Variants in SERGEF observed in about 807,000 individuals in gnomAD.
SERGEF encodes secretion-regulating guanine nucleotide exchange factor.
A neutral mutation model predicts 50.0 loss-of-function variants in SERGEF; 51 were observed. That is an observed-to-expected ratio of 1.02 (90% CI 0.81 to 1.29). The LOEUF is 1.29. SERGEF is among the 50% of genes most tolerant of loss of function. The pLI is 0.00. For missense variants in SERGEF, 521 were observed against 557.0 expected, an observed-to-expected ratio of 0.94 and a Z score of 0.65; for synonymous variants, 205 against 212.4, an observed-to-expected ratio of 0.97 and a Z score of 0.30.
At chr11:17,999,079 A>T (rs1853905488) in intron 5 of SERGEF, among the ~76,000 whole-genome samples, 1 of 152,208 alleles carries the variant, frequency 6.6e-6, no homozygotes, top group Non-Finnish European at 1.5e-5. Flanking sequence ...TGTTGAATGA[A>T]AAAAGCCAAC....
At chr11:17,802,812 C>T (rs576717984) in intron 10 of SERGEF, among the ~76,000 whole-genome samples, 115 of 152,214 alleles carry the variant, frequency 7.6e-4, no homozygotes, top group Non-Finnish European at 1.5e-3. Context: ...TCCCTGATCA[C>T]CCAATTTCAT....
chr11:18,012,792 T>G (rs1316576318), intron 1 of SERGEF, 159 bp downstream of exon 1: 15 of 602,558 alleles, frequency 2.5e-5, no homozygotes, highest in Non-Finnish European at 3.7e-5. Context: ...CGCCCGCTCC[T>G]CCTCCGCTCC....
At chr11:17,921,450 A>T (rs1349337682) in intron 9 of SERGEF, among the ~76,000 whole-genome samples, 2 of 152,236 alleles carry the variant, frequency 1.3e-5, no homozygotes, top group Non-Finnish European at 2.9e-5. Context: ...ATAGGTCCTC[A>T]GTAAATGCTG....
chr11:18,006,955 C>A (rs1854086579), intron 2 of SERGEF, among the ~76,000 whole-genome samples: 1 of 152,220 alleles, frequency 6.6e-6, no homozygotes, highest in Admixed American at 6.5e-5. Flanking sequence ...AACTTCAAGT[C>A]TTGGCGCAGT....
chr11:17,941,261 AGT>A (rs1852557803), intron 9 of SERGEF, among the ~76,000 whole-genome samples: 1 of 152,204 alleles, frequency 6.6e-6, no homozygotes, highest in South Asian at 2.1e-4. Flanking sequence ...ACCATTTTTA[AGT>A]GTACAGTTCA....
At position 17,815,364 on chromosome 11, in the gene SERGEF, C is replaced by T. The variant is rs537688438; in HGVS notation, c.1049-26951G>A. On this transcript the variant is annotated intron_variant, in intron 10 of 10. Transcript: ENST00000265965. Reference sequence around the variant, plus strand: ...CTGTAATCCTAGCACTTTCGGAGGCCGAGGCAGGCAGATCACCTGAGGTCA... The same window carrying T: ...CTGTAATCCTAGCACTTTCGGAGGCTGAGGCAGGCAGATCACCTGAGGTCA... Among the ~76,000 whole-genome samples the T allele has an allele frequency of 3.2e-4, 48 of 148,180 alleles. No individual in the cohort carries two copies. In the South Asian group the frequency reaches 6.4e-3, roughly 20 times the overall value.
chr11:17,802,352 C>CATGACT (rs889534381), intron 10 of SERGEF, among the ~76,000 whole-genome samples: 5 of 152,196 alleles, frequency 3.3e-5, no homozygotes, highest in Non-Finnish European at 5.9e-5. Flanking sequence ...TCCCTCCCTG[C>CATGACT]ATGACTATAC....
chr11:18,010,467 T>C (rs1191837199), intron 1 of SERGEF: 1 of 156,086 alleles, frequency 6.4e-6, no homozygotes, highest in South Asian at 1.9e-4. Flanking sequence ...TAGTTATATC[T>C]GGGTAGGCAA....
chr11:17,861,663 G>A (rs1472748979), intron 10 of SERGEF, among the ~76,000 whole-genome samples: 2 of 152,278 alleles, frequency 1.3e-5, no homozygotes, highest in African/African-American at 4.8e-5. Context: ...GGGCTACACT[G>A]TGGAGCTTCC....
intron 8 of SERGEF, among the ~76,000 whole-genome samples, chr11:17,966,774 A>G (rs953228766): frequency 2.2e-4 from 33 of 152,220 alleles, no homozygotes; most frequent in African/African-American, 7.7e-4. Context: ...AAGATTTCCA[A>G]ATACAGGCTG....
At chr11:17,817,516 T>A (rs1002014423) in intron 10 of SERGEF, among the ~76,000 whole-genome samples, 3 of 152,066 alleles carry the variant, frequency 2.0e-5, no homozygotes, top group Non-Finnish European at 4.4e-5. Context: ...ACGCCTGGCC[T>A]CCATGTATTA....
At chr11:17,875,946 G>A (rs1035289639) in intron 10 of SERGEF, among the ~76,000 whole-genome samples, 5 of 152,218 alleles carry the variant, frequency 3.3e-5, no homozygotes, top group Admixed American at 6.5e-5. Context: ...GGCAAAGGCA[G>A]TAGGATTGAG....
intron 3 of SERGEF, among the ~76,000 whole-genome samples, chr11:18,005,433 T>C (rs1488546359): frequency 6.6e-6 from 1 of 152,148 alleles, no homozygotes; most frequent in Non-Finnish European, 1.5e-5. Context: ...CTGCTTGGTA[T>C]GACCAGAAAG....
chr11:17,810,217 C>A (rs1849842898), intron 10 of SERGEF, among the ~76,000 whole-genome samples: 4 of 152,214 alleles, frequency 2.6e-5, no homozygotes, highest in Admixed American at 2.6e-4. Flanking sequence ...TGGAAGGCAA[C>A]AGCTGCCTGC....
chr11:17,860,786 G>C lies in SERGEF; in HGVS notation c.1048+17422C>G, dbSNP rs142221402. Among the ~76,000 whole-genome samples, 347 of 152,286 alleles carry C rather than the reference G, an allele frequency of 2.3e-3. 3 individuals carry two copies. Among genetic ancestry groups the C allele is most frequent in the African/African-American group, 7.5e-3 (313 of 41,560 alleles). On this transcript the variant is annotated intron_variant, in intron 10 of 10. Coordinates refer to ENST00000265965, the MANE Select transcript of SERGEF (RefSeq NM_012139.4). Reference sequence around the variant, plus strand: ...CCTCATTTTCCTCATCTGTAGAACAGGGTTATATGTTAAGAATACAGAAGC... The same window carrying C: ...CCTCATTTTCCTCATCTGTAGAACACGGTTATATGTTAAGAATACAGAAGC...
chr11:17,854,066 T>C (rs1173668716), intron 10 of SERGEF: 1 of 149,110 alleles, frequency 6.7e-6, no homozygotes, highest in Non-Finnish European at 1.5e-5. Context: ...GTCTTTGCCC[T>C]GGGCCAAATT....
At chr11:17,918,147 T>C (rs895821330) in intron 9 of SERGEF, among the ~76,000 whole-genome samples, 2 of 152,204 alleles carry the variant, frequency 1.3e-5, no homozygotes, top group Non-Finnish European at 2.9e-5. Context: ...TCTGTGTTCC[T>C]TTCTCCACTC....
At chr11:17,855,832 C>G (rs1017100733) in intron 10 of SERGEF, 16 of 152,280 alleles carry the variant, frequency 1.1e-4, no homozygotes, top group African/African-American at 3.6e-4. Flanking sequence ...GGCAGGTCCT[C>G]TGGCTGGCTC....
At chr11:17,956,594 AC>A (rs1483034773) in intron 9 of SERGEF, among the ~76,000 whole-genome samples, 1 of 152,172 alleles carries the variant, frequency 6.6e-6, no homozygotes, top group Non-Finnish European at 1.5e-5. Context: ...GGATGGTTAT[AC>A]CACAGTCTAG....
Sources: gnomAD v4.1 joint callset for allele counts (sites outside exome capture counted in the v4.1 genomes callset) on GRCh38, gnomAD v4.1.1 for gene constraint, MANE v1.5 for transcripts, NCBI Gene and HGNC (gene_info 2026-07-23, HGNC 2026-07-21) for gene names.